RHBDL2: variants seen among roughly 807,000 people sequenced by gnomAD.
The protein encoded by RHBDL2 is rhomboid-related protein 2.
RHBDL2 carries 26 observed loss-of-function variants against 31.7 expected under a neutral mutation model. That is an observed-to-expected ratio of 0.82 (90% CI 0.60 to 1.14). The LOEUF (loss-of-function observed/expected upper bound fraction) is 1.14, where lower values mean the gene tolerates loss of function less well. Among genes scored for constraint, RHBDL2 ranks in the 50% most tolerant of loss-of-function variants. RHBDL2 has a pLI of 0.00. For missense variants in RHBDL2, 336 were observed against 364.4 expected (o/e 0.92, Z 0.63); for synonymous variants, 123 against 127.2 (o/e 0.97, Z 0.22).
intron 1 of RHBDL2, among the ~76,000 whole-genome samples, chr1:38,936,956 T>G (rs12039816): frequency 0.13 from 18,483 of 144,274 alleles, 2,063 homozygotes; most frequent in African/African-American, 0.33. Context: ...GTGTTCTTTT[T>G]TTTTTTTTTG....
intron 1 of RHBDL2, among the ~76,000 whole-genome samples, chr1:38,939,833 C>A (rs914593905): frequency 1.3e-5 from 2 of 152,138 alleles, no homozygotes; most frequent in Non-Finnish European, 2.9e-5. Flanking sequence ...CTGGCGTGAG[C>A]CACCGTGCCA....
intron 6 of RHBDL2, among the ~76,000 whole-genome samples, chr1:38,891,396 T>C (rs1157456918): frequency 1.3e-5 from 2 of 152,234 alleles, no homozygotes; most frequent in Non-Finnish European, 2.9e-5. Context: ...ATCTGGTATG[T>C]GTTGTAACTC....
chr1:38,934,139 G>A (rs1376416217), intron 1 of RHBDL2, among the ~76,000 whole-genome samples: 1 of 121,926 alleles, frequency 8.2e-6, no homozygotes, highest in Non-Finnish European at 1.9e-5. Context: ...TTTGAGGCCA[G>A]GAGTTCAAGA....
chr1:38,887,430 GT>G (rs1352559581), intron 7 of RHBDL2, among the ~76,000 whole-genome samples: 2 of 151,558 alleles, frequency 1.3e-5, no homozygotes, highest in East Asian at 3.9e-4. Flanking sequence ...ATTCTCTCCT[GT>G]TTTTTGTTTT....
chr1:38,929,446 T>C (rs1422024794), intron 1 of RHBDL2: 5 of 1,289,374 alleles, frequency 3.9e-6, no homozygotes, highest in Non-Finnish European at 5.1e-6. Context: ...AACACCCTTA[T>C]GACAACTCCT....
chr1:38,910,284 C>T (rs564567218), intron 4 of RHBDL2, among the ~76,000 whole-genome samples: 84 of 152,230 alleles, frequency 5.5e-4, no homozygotes, highest in Middle Eastern at 3.4e-3. Flanking sequence ...ACTATATCAA[C>T]GTGGATATCC....
intron 4 of RHBDL2, among the ~76,000 whole-genome samples, chr1:38,909,479 T>G (rs1643112791): frequency 6.6e-6 from 1 of 152,102 alleles, no homozygotes; most frequent in Non-Finnish European, 1.5e-5. Context: ...TCTTTAAAAA[T>G]TCACCTGTAA....
At chr1:38,912,314 C>T (rs909034161) in intron 3 of RHBDL2, among the ~76,000 whole-genome samples, 48 of 151,846 alleles carry the variant, frequency 3.2e-4, no homozygotes, top group African/African-American at 1.2e-3. Flanking sequence ...CCATGTTGGT[C>T]AGGCTGGTCT....
At chr1:38,911,814 TTC>T (rs992789507) in intron 3 of RHBDL2, among the ~76,000 whole-genome samples, 7 of 151,808 alleles carry the variant, frequency 4.6e-5, no homozygotes, top group Non-Finnish European at 8.8e-5. Flanking sequence ...TAATTTTTTT[TTC>T]TTTTTTTTTG....
At chr1:38,941,306 G>A (rs1422489727) in intron 1 of RHBDL2, among the ~76,000 whole-genome samples, 2 of 152,278 alleles carry the variant, frequency 1.3e-5, no homozygotes, top group South Asian at 4.1e-4. Context: ...GCTAGGAACT[G>A]GCTTAGTTGG....
chr1:38,897,195 G>A (rs1485705146), intron 4 of RHBDL2, among the ~76,000 whole-genome samples: 1 of 151,690 alleles, frequency 6.6e-6, no homozygotes, highest in Non-Finnish European at 1.5e-5. Flanking sequence ...CTGCCTCCCA[G>A]GTTCATGCTA....
At chr1:38,903,284 C>T (rs915417536) in intron 4 of RHBDL2, among the ~76,000 whole-genome samples, 1 of 151,686 alleles carries the variant, frequency 6.6e-6, no homozygotes, top group African/African-American at 2.4e-5. Flanking sequence ...GGATTACAGG[C>T]GCCCACCACC....
chr1:38,892,165 C>T (rs57901653), intron 6 of RHBDL2, among the ~76,000 whole-genome samples: 2,872 of 152,250 alleles, frequency 0.019, 103 homozygotes, highest in African/African-American at 0.065. Flanking sequence ...GCTTCTTGAA[C>T]GGTTGCCCGC....
At chr1:38,909,249 C>A (rs1299371772) in intron 4 of RHBDL2, among the ~76,000 whole-genome samples, 1 of 152,090 alleles carries the variant, frequency 6.6e-6, no homozygotes, top group African/African-American at 2.4e-5. Context: ...TCACCTAGTT[C>A]CGTGGGCACA....
chr1:38,928,078 C>T (rs1643397201), intron 1 of RHBDL2, among the ~76,000 whole-genome samples: 1 of 151,344 alleles, frequency 6.6e-6, no homozygotes, highest in South Asian at 2.1e-4. Flanking sequence ...GGCAACAGAG[C>T]AAGATCCTGT....
At chr1:38,909,852 C>A (rs1015655812) in intron 4 of RHBDL2, among the ~76,000 whole-genome samples, 1 of 152,264 alleles carries the variant, frequency 6.6e-6, no homozygotes, top group South Asian at 2.1e-4. Flanking sequence ...AAACTGAAAA[C>A]TCTGTTCACA....
intron 2 of RHBDL2, among the ~76,000 whole-genome samples, chr1:38,917,103 T>C (rs1179679602): frequency 6.7e-6 from 1 of 148,712 alleles, no homozygotes; most frequent in Non-Finnish European, 1.5e-5. Flanking sequence ...CTGCAAGTTC[T>C]GCCTCCTGGG....
chr1:38,931,679 G>A (rs374354273), intron 1 of RHBDL2, among the ~76,000 whole-genome samples: 98 of 151,820 alleles, frequency 6.5e-4, no homozygotes, highest in African/African-American at 2.2e-3. Context: ...GTATGTGTTA[G>A]GCTCTGGAAA....
intron 1 of RHBDL2, among the ~76,000 whole-genome samples, chr1:38,922,857 C>T (rs1035873823): frequency 3.3e-5 from 5 of 152,168 alleles, no homozygotes; most frequent in African/African-American, 7.2e-5. Flanking sequence ...TTTGGGAGGC[C>T]GAGGTCGGTG....
Sources: gnomAD v4.1 joint callset for allele counts (sites outside exome capture counted in the v4.1 genomes callset) on GRCh38, gnomAD v4.1.1 for gene constraint, MANE v1.5 for transcripts, NCBI Gene and HGNC (gene_info 2026-07-23, HGNC 2026-07-21) for gene names.